Variants in GSE1 observed in about 807,000 individuals in gnomAD.
The protein encoded by GSE1 is Gse1 coiled-coil protein, also known as genetic suppressor element 1.
A neutral mutation model predicts 112.6 loss-of-function variants in GSE1; 32 were observed. The ratio of observed to expected loss-of-function variants is 0.28; its 90% CI spans 0.21 to 0.38. The LOEUF is 0.38. GSE1 is among the 10% of genes least tolerant of loss of function. The pLI, the probability that GSE1 is intolerant of heterozygous loss-of-function variation, is 1.00. For synonymous variants in GSE1, 1,115 were observed against 735.6 expected (o/e 1.52, Z -8.35); for missense variants, 2,348 against 1,699.2 (o/e 1.38, Z -6.71).
intron 2 of GSE1, among the ~76,000 whole-genome samples, chr16:85,374,321 G>A (rs1370147275): frequency 6.6e-6 from 1 of 151,792 alleles, no homozygotes; most frequent in Non-Finnish European, 1.5e-5. Context: ...TGTGCAGTGT[G>A]TGTCAGTGTG....
rs538582858 is a variant in GSE1 at position 85,183,183 on chromosome 16, G to A, written c.2283+11376G>A. Among the ~76,000 whole-genome samples, 10 of 152,022 alleles carry A rather than the reference G, an allele frequency of 6.6e-5. No homozygotes were observed. In the South Asian group the frequency reaches 1.7e-3, roughly 25 times the overall value. ...CAGTCATTTGCATGTACACACACCC[G>A]CATGTCCTCACACACATGTGTATGC... On this transcript the variant is annotated intron_variant, in intron 1 of 2. Transcript: ENST00000637419.
At chr16:85,383,018 G>T (rs1169871815) in intron 2 of GSE1, among the ~76,000 whole-genome samples, 1 of 149,180 alleles carries the variant, frequency 6.7e-6, no homozygotes, top group Non-Finnish European at 1.5e-5. Flanking sequence ...ACACACGGTT[G>T]CACCCACACA....
intron 2 of GSE1, among the ~76,000 whole-genome samples, chr16:85,410,846 C>G (rs111789992): frequency 1.4e-5 from 1 of 73,966 alleles, no homozygotes; most frequent in Non-Finnish European, 2.3e-5. Flanking sequence ...CTGTTACTCT[C>G]AGGCCCCCCG....
intron 1 of GSE1, among the ~76,000 whole-genome samples, chr16:85,597,043 C>T (rs942408319): frequency 6.6e-6 from 1 of 151,666 alleles, no homozygotes; most frequent in Non-Finnish European, 1.5e-5. Context: ...AGTGGCATGA[C>T]CTTGGCTCAC....
At chr16:85,227,366 G>A (rs1413648865) in intron 1 of GSE1, among the ~76,000 whole-genome samples, 1 of 152,224 alleles carries the variant, frequency 6.6e-6, no homozygotes, top group Admixed American at 6.5e-5. Context: ...GGACCTCAAC[G>A]GTGGGTATGT....
intron 1 of GSE1, among the ~76,000 whole-genome samples, chr16:85,221,126 G>A (rs1435647194): frequency 6.6e-6 from 1 of 152,034 alleles, no homozygotes; most frequent in Non-Finnish European, 1.5e-5. Context: ...GTCAAGCGGT[G>A]CAGCCCCCGC....
At chr16:85,614,115 C>G (rs1019471221) in intron 1 of GSE1, among the ~76,000 whole-genome samples, 1 of 149,864 alleles carries the variant, frequency 6.7e-6, no homozygotes, top group East Asian at 2.0e-4. Flanking sequence ...GATGGCTGCC[C>G]CAGCCTCGGA....
intron 2 of GSE1, among the ~76,000 whole-genome samples, chr16:85,437,966 G>A (rs2049290975): frequency 2.0e-5 from 3 of 152,222 alleles, no homozygotes; most frequent in Non-Finnish European, 2.9e-5. Flanking sequence ...CTTATGTGTG[G>A]AAGGTGCATA....
intron 2 of GSE1, among the ~76,000 whole-genome samples, chr16:85,517,434 A>G (rs1030713298): frequency 7.9e-5 from 12 of 152,210 alleles, no homozygotes; most frequent in African/African-American, 2.9e-4. Flanking sequence ...TCCTGGAGAC[A>G]GTAACACATT....
intron 2 of GSE1, among the ~76,000 whole-genome samples, chr16:85,388,128 A>G (rs60142427): frequency 1 from 142,311 of 142,602 alleles, 71,010 homozygotes; most frequent in Non-Finnish European, 1. Context: ...GGACGGATGG[A>G]TGGATGGATG....
intron 2 of GSE1, among the ~76,000 whole-genome samples, chr16:85,481,626 C>G (rs1011290741): frequency 1.3e-5 from 2 of 152,148 alleles, no homozygotes; most frequent in African/African-American, 2.4e-5. Context: ...TCTGGAAGTG[C>G]TTGATGTGGT....
chr16:85,254,936 G>A (rs534275459), intron 1 of GSE1, among the ~76,000 whole-genome samples: 17 of 152,330 alleles, frequency 1.1e-4, no homozygotes, highest in Non-Finnish European at 2.4e-4. Context: ...ACCACAGTGC[G>A]CTCATAAACA....
chr16:85,279,546 A>G lies in GSE1; in HGVS notation c.2284-77917A>G, dbSNP rs141353138. Reference sequence around the variant, plus strand: ...AGGAGGTGGAGGTTGCAGTGAGTCAAGATCGCACCACTGCACTCCAGCCTG... The same window carrying G: ...AGGAGGTGGAGGTTGCAGTGAGTCAGGATCGCACCACTGCACTCCAGCCTG... On this transcript the variant is annotated intron_variant, in intron 1 of 2. Transcript: ENST00000637419. Among the ~76,000 whole-genome samples the G allele has an allele frequency of 8.1e-3, 1,233 of 152,288 alleles. 18 individuals carry two copies. Among genetic ancestry groups the G allele is most frequent in the African/African-American group, 0.028 (1,171 of 41,544 alleles).
chr16:85,600,136 C>T (rs2151477288), intron 1 of GSE1, among the ~76,000 whole-genome samples: 1 of 152,360 alleles, frequency 6.6e-6, no homozygotes, highest in African/African-American at 2.4e-5. Flanking sequence ...AGGCCCGCTC[C>T]ATCCACGTGG....
chr16:85,379,509 G>A (rs866786344), intron 2 of GSE1, among the ~76,000 whole-genome samples: 69 of 152,334 alleles, frequency 4.5e-4, no homozygotes, highest in African/African-American at 1.6e-3. Flanking sequence ...GTGCTTCCAT[G>A]TATTGGTTCC....
At chr16:85,516,201 C>G (rs547294387) in intron 2 of GSE1, among the ~76,000 whole-genome samples, 1 of 152,142 alleles carries the variant, frequency 6.6e-6, no homozygotes, top group African/African-American at 2.4e-5. Flanking sequence ...TCCTGGGAGG[C>G]CTGGGGAAGG....
intron 1 of GSE1, among the ~76,000 whole-genome samples, chr16:85,341,198 CT>C (rs77139044): frequency 4.7e-4 from 69 of 147,948 alleles, no homozygotes; most frequent in African/African-American, 5.7e-4. Flanking sequence ...CTGTTGTTTA[CT>C]TTTTTTTTTT....
chr16:85,246,747 G>A (rs1041377031), intron 1 of GSE1, among the ~76,000 whole-genome samples: 2 of 152,004 alleles, frequency 1.3e-5, no homozygotes, highest in East Asian at 1.9e-4. Flanking sequence ...AAGGCACTGT[G>A]CCTGGAAGCA....
At chr16:85,442,437 A>AATGG (rs2049398401) in intron 2 of GSE1, among the ~76,000 whole-genome samples, 3 of 96,310 alleles carry the variant, frequency 3.1e-5, no homozygotes, top group South Asian at 4.0e-4. Context: ...TTATTGAATG[A>AATGG]ATGGATGAAT....
Sources: gnomAD v4.1 joint callset for allele counts (sites outside exome capture counted in the v4.1 genomes callset) on GRCh38, gnomAD v4.1.1 for gene constraint, MANE v1.5 for transcripts, NCBI Gene and HGNC (gene_info 2026-07-23, HGNC 2026-07-21) for gene names.